TBC1D23: variants seen among roughly 807,000 people sequenced by gnomAD.
The protein encoded by TBC1D23 is TBC1 domain family member 23.
TBC1D23 carries 55 observed loss-of-function variants against 91.4 expected under a neutral mutation model. The observed-to-expected ratio is 0.60, with a 90% CI of 0.48 to 0.75. The LOEUF is 0.75. Among genes scored for constraint, TBC1D23 ranks in the 30% least tolerant of loss-of-function variants. TBC1D23 has a pLI of 0.00. For synonymous variants in TBC1D23, 289 were observed against 281.0 expected (o/e 1.03, Z -0.28); for missense variants, 725 against 836.1 (o/e 0.87, Z 1.64).
At chr3:100,275,000 A>G (rs2067637025) in intron 1 of TBC1D23, among the ~76,000 whole-genome samples, 1 of 151,616 alleles carries the variant, frequency 6.6e-6, no homozygotes, top group Admixed American at 6.6e-5. Context: ...TGTGTATACA[A>G]AAGTCTCTTT....
rs147396824 is a variant in TBC1D23, at chr3:100,295,317, A to G, written c.741A>G (p.Thr247=). ...CCTTTTACAGAGAAGTTATTTTAAC[A>G]CAAGAGTCAGACAGCAAAGAAGAAG... ...ILVNAKEVIL[T]QESDSKEEVI... The change falls in exon 7 of 19, where the codon ACA becomes ACG. Residue 247 remains threonine (T), a synonymous_variant. Coordinates refer to ENST00000394144, the MANE Select transcript of TBC1D23 (RefSeq NM_001199198.3). 2.7e-4 allele frequency: 430 copies of G among 1,610,882 alleles called. No individual in the cohort carries two copies. The highest frequency in any genetic ancestry group is 3.5e-4 in the Non-Finnish European group (407 of 1,178,760).
At position 100,324,928 on chromosome 3, in the gene TBC1D23, T is replaced by C. The variant is rs1280765048; in HGVS notation, c.*1260T>C. On this transcript the variant is annotated 3_prime_UTR_variant, in exon 19 of 19. Transcript: ENST00000394144. ...CTGTTAACAGCCAGTCATTTTGATT[T>C]ACTTATGGAAATCAAGTGAATAAAA... The C allele has an allele frequency of 6.6e-6, 1 of 152,260 alleles. No individual in the cohort carries two copies. The highest frequency in any genetic ancestry group is 1.5e-5 in the Non-Finnish European group (1 of 68,044). The allele number at this position is 152,260 out of a possible 1,614,324, so 9.4% of individuals were successfully genotyped here.
chr3:100,285,994 A>G lies in TBC1D23; in HGVS notation c.476+2183A>G, dbSNP rs113142960. On this transcript the variant is annotated intron_variant, in intron 4 of 18. Coordinates refer to ENST00000394144, the MANE Select transcript of TBC1D23 (RefSeq NM_001199198.3). ...AGTAAGCCTTTAGAGTTTCAGATAT[A>G]AGTGGACTGCAAAGAGCATAGGTAT... 8.8e-4 allele frequency among the ~76,000 whole-genome samples: 134 copies of G among 152,152 alleles called. 1 individual carries two copies. Among genetic ancestry groups the G allele is most frequent in the African/African-American group, 3.1e-3 (127 of 41,514 alleles).
chr3:100,304,636 C>T (rs1050819144), intron 11 of TBC1D23, among the ~76,000 whole-genome samples: 2 of 152,060 alleles, frequency 1.3e-5, no homozygotes, highest in African/African-American at 4.8e-5. Context: ...GAAGTTGTTC[C>T]CTTCTTCCCA....
chr3:100,279,683 G>A lies in TBC1D23; in HGVS notation c.88G>A (p.Gly30Ser). 1.9e-6 allele frequency: 3 copies of A among 1,608,250 alleles called. No individual in the cohort carries two copies. Among genetic ancestry groups the A allele is most frequent in the Non-Finnish European group, 2.6e-6 (3 of 1,175,938 alleles). Residue 30 changes from glycine to serine, a missense_variant, in exon 2 of 19, where the codon GGT becomes AGT. Gly to Ser is a moderately conservative substitution (Grantham distance 56). Coordinates refer to ENST00000394144, the MANE Select transcript of TBC1D23 (RefSeq NM_001199198.3). ...TCTTGAAGAAGCTCTGGAAGCAGGAGGTTGTGATCTTGAAACGTTGAGAAA... is the reference window on the plus strand; with the variant it reads ...TCTTGAAGAAGCTCTGGAAGCAGGAAGTTGTGATCTTGAAACGTTGAGAAA... ...KDLEEALEAGGCDLETLRNII... is the reference protein window; with the variant it reads ...KDLEEALEAGSCDLETLRNII...
chr3:100,273,948 A>C (rs2067624107), intron 1 of TBC1D23, among the ~76,000 whole-genome samples: 1 of 152,236 alleles, frequency 6.6e-6, no homozygotes. Flanking sequence ...AGTATGATTG[A>C]GTTTATTATA....
intron 18 of TBC1D23, among the ~76,000 whole-genome samples, chr3:100,322,792 TTGGAAGATAGTCTTAATAG>T (rs1373608815): frequency 6.6e-6 from 1 of 152,120 alleles, no homozygotes. Flanking sequence ...ATTCAGAGTT[TTGGAAGATAGTCTTAATAG>T]TGGAAGATAA....
chr3:100,324,385 A>G lies in TBC1D23; in HGVS notation c.*717A>G, dbSNP rs1028481196. On this transcript the variant is annotated 3_prime_UTR_variant, in exon 19 of 19. Coordinates refer to ENST00000394144, the MANE Select transcript of TBC1D23 (RefSeq NM_001199198.3). ...AATAAGTAGGTAGGCTGTTAAGATT[A>G]AAATTAACATTTTGGGGACAGAATT... 6.6e-6 allele frequency: 1 copy of G among 152,238 alleles called. No homozygotes were observed. The highest frequency in any genetic ancestry group is 2.4e-5 in the African/African-American group (1 of 41,470). 9.4% of individuals were successfully genotyped at this position (152,238 alleles called of 1,614,324 possible). A position where few individuals can be genotyped will look rare whatever the true frequency, so the allele number is the denominator to read the frequency against.
intron 1 of TBC1D23, among the ~76,000 whole-genome samples, chr3:100,265,316 T>A (rs1206994681): frequency 6.6e-6 from 1 of 152,250 alleles, no homozygotes; most frequent in Admixed American, 6.5e-5. Context: ...GTTGGTATAA[T>A]GCTTATTCTT....
intron 3 of TBC1D23, among the ~76,000 whole-genome samples, chr3:100,282,744 G>C (rs985677724): frequency 1.3e-5 from 2 of 152,206 alleles, no homozygotes; most frequent in Non-Finnish European, 2.9e-5. Context: ...ATTTGATAGT[G>C]GAGAATGAAT....
rs1705804937 is a variant in TBC1D23 at position 100,319,054 on chromosome 3, T to TTC, written c.1688-14_1688-13insCT. 1 of 1,499,606 alleles carries TTC rather than the reference T, an allele frequency of 6.7e-7. No homozygotes were observed. The highest frequency in any genetic ancestry group is 9.1e-7 in the Non-Finnish European group (1 of 1,094,626). The allele number at this position is 1,499,606 out of a possible 1,614,324, so 92.9% of individuals were successfully genotyped here. A position where few individuals can be genotyped will look rare whatever the true frequency, so the allele number is the denominator to read the frequency against. On this transcript the variant is annotated splice_polypyrimidine_tract_variant and intron_variant, in intron 16 of 18. Coordinates refer to ENST00000394144, the MANE Select transcript of TBC1D23 (RefSeq NM_001199198.3). Reference sequence around the variant, plus strand: ...GTTGGTAATATCCATATTTAATACTTTGTATTTTTTATAGATGAAATTGAC... The same window carrying TTC: ...GTTGGTAATATCCATATTTAATACTTTCTGTATTTTTTATAGATGAAATTGAC...
In TBC1D23 at chr3:100,279,664, A is replaced by G; in HGVS notation, c.69A>G (p.Glu23=). Residue 23 remains glutamate (E), a synonymous_variant, in exon 2 of 19, where the codon GAA becomes GAG. Coordinates refer to ENST00000394144, the MANE Select transcript of TBC1D23 (RefSeq NM_001199198.3). ...TATTTTTTAGGGAAAAAGATCTTGA[A>G]GAAGCTCTGGAAGCAGGAGGTTGTG... ...SSGDGWEKDL[E]EALEAGGCDL... 6.3e-7 allele frequency: 1 copy of G among 1,599,110 alleles called. No homozygotes were observed. Among genetic ancestry groups the G allele is most frequent in the Non-Finnish European group, 8.5e-7 (1 of 1,170,592 alleles).
In TBC1D23 at chr3:100,297,981, T is replaced by G; in HGVS notation, c.935T>G (p.Leu312Arg). Residue 312 changes from leucine (L) to arginine (R), a missense_variant, in exon 9 of 19, where the codon CTG becomes CGG. Physicochemically the swap from Leu to Arg is moderately radical, Grantham distance 102. Transcript: ENST00000394144. ...LLGIKDDDAD[L>R]SQALCLAISV... is the part of the protein sequence containing the mutation. Reference sequence around the variant, plus strand: ...GGAATTAAGGATGATGATGCAGATCTGAGTCAGGCTCTTTGTCTGGCCATC... The same window carrying G: ...GGAATTAAGGATGATGATGCAGATCGGAGTCAGGCTCTTTGTCTGGCCATC... 6.2e-7 allele frequency: 1 copy of G among 1,613,092 alleles called. No individual in the cohort carries two copies. The highest frequency in any genetic ancestry group is 1.1e-5 in the South Asian group (1 of 91,024).
chr3:100,265,380 T>G (rs2067549711), intron 1 of TBC1D23, among the ~76,000 whole-genome samples: 1 of 152,256 alleles, frequency 6.6e-6, no homozygotes, highest in Non-Finnish European at 1.5e-5. Flanking sequence ...TCCCTGGGAT[T>G]CAGCCATGTA....
Position 100,316,045 on chromosome 3 carries a change from A to C in TBC1D23, c.1599-54A>C, listed in dbSNP as rs554927329. The stretch of plus-strand genomic sequence containing the variant: ...AATATTCAAATGATGCTTGGTAAAA[A>C]TCTTTGATAACTTCTTAAGTGATTA... On this transcript the variant is annotated intron_variant, in intron 15 of 18. Transcript: ENST00000394144. 2.3e-5 allele frequency: 32 copies of C among 1,404,064 alleles called. No individual in the cohort carries two copies. The African/African-American group carries it at 3.0e-4, about 13-fold the overall frequency. The allele number at this position is 1,404,064 out of a possible 1,614,324, so 87.0% of individuals were successfully genotyped here.
At position 100,262,723 on chromosome 3, in the gene TBC1D23, C is replaced by CAAAAAAA. The variant is rs1174689237; in HGVS notation, c.53+1668_53+1674dup. Among the ~76,000 whole-genome samples the CAAAAAAA allele has an allele frequency of 4.7e-3, 242 of 51,250 alleles. 9 individuals carry two copies. Among genetic ancestry groups the CAAAAAAA allele is most frequent in the Non-Finnish European group, 6.3e-3 (182 of 28,724 alleles). The allele number at this position is 51,250 out of a possible 152,430, so 33.6% of individuals were successfully genotyped here. A position where few individuals can be genotyped will look rare whatever the true frequency, so the allele number is the denominator to read the frequency against. On this transcript the variant is annotated intron_variant, in intron 1 of 18. Coordinates refer to ENST00000394144, the MANE Select transcript of TBC1D23 (RefSeq NM_001199198.3). ...CCGGCGGCAGTGTGAGGCTCGGTCT[C>CAAAAAAA]AAAAAAAAAAAAAAAAAAAAAACAC...
chr3:100,293,125 G>A (rs1357539058), intron 5 of TBC1D23, among the ~76,000 whole-genome samples: 1 of 147,342 alleles, frequency 6.8e-6, no homozygotes, highest in African/African-American at 2.5e-5. Flanking sequence ...TTGTTTGTTT[G>A]TTTACTTATT....
chr3:100,281,711 A>T (rs1404816290), intron 2 of TBC1D23, 31 bp from the exon 3 acceptor site: 1 of 1,376,252 alleles, frequency 7.3e-7, no homozygotes, highest in Middle Eastern at 1.8e-4. Flanking sequence ...ATAACATATG[A>T]AGCTAGTCAC....
chr3:100,291,834 G>A (rs1474691929), intron 5 of TBC1D23, among the ~76,000 whole-genome samples: 3 of 133,462 alleles, frequency 2.2e-5, no homozygotes, highest in South Asian at 4.5e-4. Context: ...CACTCTTGTC[G>A]CCTAGGCTGG....
Sources: gnomAD v4.1 joint callset for allele counts (sites outside exome capture counted in the v4.1 genomes callset) on GRCh38, gnomAD v4.1.1 for gene constraint, MANE v1.5 for transcripts, NCBI Gene and HGNC (gene_info 2026-07-23, HGNC 2026-07-21) for gene names.